SGIP1: variants seen among roughly 807,000 people sequenced by gnomAD.
The protein encoded by SGIP1 is SH3-containing GRB2-like protein 3-interacting protein 1.
SGIP1 carries 38 observed loss-of-function variants against 107.5 expected under a neutral mutation model. That is an observed-to-expected ratio of 0.35 (90% CI 0.27 to 0.46). SGIP1 has a LOEUF of 0.46. Ranked by LOEUF, SGIP1 falls within the 20% of genes least tolerant of loss-of-function variation. The pLI, the probability that SGIP1 is intolerant of heterozygous loss-of-function variation, is 1.00. For synonymous variants in SGIP1, 365 were observed against 366.1 expected, an observed-to-expected ratio of 1.00 and a Z score of 0.03; for missense variants, 929 against 1,019.5, an observed-to-expected ratio of 0.91 and a Z score of 1.21.
At chr1:66,713,129 G>C (rs2093023884) in intron 18 of SGIP1, among the ~76,000 whole-genome samples, 1 of 152,096 alleles carries the variant, frequency 6.6e-6, no homozygotes, top group African/African-American at 2.4e-5. Context: ...TGTTTTGATT[G>C]TTTACTTGCC....
At position 66,691,820 on chromosome 1, in the gene SGIP1, A is replaced by C. The variant is rs990338139; in HGVS notation, c.1570+1504A>C. On this transcript the variant is annotated intron_variant, in intron 17 of 24. Coordinates refer to ENST00000371037, the MANE Select transcript of SGIP1 (RefSeq NM_032291.4). ...AAGTGACCTCAGATAAACCTGTAAC[A>C]TGTTCTTTCAATGCACTGTGATTCA... Among the ~76,000 whole-genome samples, 4 of 152,170 alleles carry C rather than the reference A, an allele frequency of 2.6e-5. No individual in the cohort carries two copies. In the South Asian group the frequency reaches 8.3e-4, roughly 32 times the overall value.
intron 1 of SGIP1, among the ~76,000 whole-genome samples, chr1:66,609,934 T>C (rs977795373): frequency 2.0e-5 from 3 of 152,232 alleles, no homozygotes; most frequent in Non-Finnish European, 2.9e-5. Flanking sequence ...GGCTTTTTTT[T>C]CATCATTATT....
At chr1:66,637,174 C>T (rs2149438050) in intron 4 of SGIP1, among the ~76,000 whole-genome samples, 1 of 152,286 alleles carries the variant, frequency 6.6e-6, no homozygotes, top group East Asian at 1.9e-4. Context: ...TGTTTCCCCA[C>T]TTCACTGATA....
At chr1:66,647,204 G>T (rs1328402869) in intron 7 of SGIP1, among the ~76,000 whole-genome samples, 1 of 152,178 alleles carries the variant, frequency 6.6e-6, no homozygotes, top group East Asian at 1.9e-4. Flanking sequence ...GGAATTTTCT[G>T]CATTATTGCT....
upstream of SGIP1, chr1:66,534,121 C>A: frequency 1.7e-6 from 1 of 590,818 alleles, no homozygotes; most frequent in Admixed American, 3.0e-5. Context: ...TGCAGCTCGG[C>A]CAGCTTGCCG....
intron 1 of SGIP1, among the ~76,000 whole-genome samples, chr1:66,615,025 T>G (rs1377047140): frequency 6.6e-6 from 1 of 152,052 alleles, no homozygotes; most frequent in Admixed American, 6.5e-5. Flanking sequence ...TTCTCCATGT[T>G]GGTCAGGCTG....
At chr1:66,670,788 C>G (rs770133729) in intron 9 of SGIP1, among the ~76,000 whole-genome samples, 2 of 152,178 alleles carry the variant, frequency 1.3e-5, no homozygotes, top group African/African-American at 4.8e-5. Flanking sequence ...TTTACCCTTT[C>G]TTCCTCTCTA....
At chr1:66,668,196 A>AT (rs780921591) in intron 9 of SGIP1, among the ~76,000 whole-genome samples, 28 of 149,244 alleles carry the variant, frequency 1.9e-4, no homozygotes, top group East Asian at 1.8e-3. Context: ...AGTATCATAA[A>AT]TTTTTTTTTT....
At chr1:66,575,827 G>A (rs1011750849) in intron 1 of SGIP1, among the ~76,000 whole-genome samples, 9 of 152,104 alleles carry the variant, frequency 5.9e-5, no homozygotes, top group African/African-American at 2.2e-4. Flanking sequence ...AGCTTAAATA[G>A]AAACCACCTG....
intron 3 of SGIP1, chr1:66,634,148 G>T (rs778968841): frequency 6.2e-7 from 1 of 1,609,764 alleles, no homozygotes; most frequent in South Asian, 1.1e-5. Flanking sequence ...GAGCCCTCTC[G>T]TTAACTCTGT....
At chr1:66,686,181 T>C (rs754247780) in intron 15 of SGIP1, among the ~76,000 whole-genome samples, 1 of 152,202 alleles carries the variant, frequency 6.6e-6, no homozygotes. Context: ...CCCAGATCTG[T>C]TGGATTCCAC....
At chr1:66,610,010 A>C (rs1421555075) in intron 1 of SGIP1, among the ~76,000 whole-genome samples, 1 of 152,094 alleles carries the variant, frequency 6.6e-6, no homozygotes, top group African/African-American at 2.4e-5. Flanking sequence ...GTCTTTTTAG[A>C]GCACTTAACA....
intron 1 of SGIP1, among the ~76,000 whole-genome samples, chr1:66,567,685 G>A (rs1484576253): frequency 6.6e-6 from 1 of 152,094 alleles, no homozygotes; most frequent in Non-Finnish European, 1.5e-5. Flanking sequence ...TTTGTATAAG[G>A]TGTAAGGAAG....
Position 66,642,806 on chromosome 1 carries a change from A to AT in SGIP1, c.229-3dup. 2.5e-6 allele frequency: 4 copies of AT among 1,609,256 alleles called. No homozygotes were observed. Among genetic ancestry groups the AT allele is most frequent in the Non-Finnish European group, 3.4e-6 (4 of 1,177,948 alleles). ...ATTACTTCATGTGCACTTGTGTTTT[A>AT]TAGAACTCACCTGAGCTGGATGAAG... On this transcript the variant is annotated splice_region_variant and splice_polypyrimidine_tract_variant and intron_variant, in intron 5 of 24. Transcript: ENST00000371037.
intron 8 of SGIP1, chr1:66,666,843 G>A (rs1465662916): frequency 5.3e-5 from 8 of 152,096 alleles, no homozygotes; most frequent in Admixed American, 3.9e-4. Flanking sequence ...AGGTCATCTG[G>A]TCCACCAGGG....
chr1:66,722,002 T>G (rs917200534), intron 19 of SGIP1, among the ~76,000 whole-genome samples: 5 of 152,214 alleles, frequency 3.3e-5, no homozygotes, highest in African/African-American at 1.2e-4. Context: ...TGATCTGCCC[T>G]TCGAGACTCC....
chr1:66,638,726 A>T (rs1230091649), intron 4 of SGIP1, among the ~76,000 whole-genome samples: 1 of 152,180 alleles, frequency 6.6e-6, no homozygotes, highest in Non-Finnish European at 1.5e-5. Flanking sequence ...TCCTATGTGC[A>T]CACATAAAAA....
chr1:66,697,252 T>G (rs1015310864), intron 18 of SGIP1, among the ~76,000 whole-genome samples: 6 of 152,194 alleles, frequency 3.9e-5, no homozygotes, highest in African/African-American at 1.2e-4. Flanking sequence ...CAATCAAATA[T>G]AAATATTTAA....
chr1:66,552,467 TTCCTGTGTTAC>T (rs1198655743), intron 1 of SGIP1, among the ~76,000 whole-genome samples: 6 of 152,260 alleles, frequency 3.9e-5, no homozygotes, highest in African/African-American at 1.4e-4. Flanking sequence ...CTGCTGCTGC[TTCCTGTGTTAC>T]TCCTGTTCTG....
Sources: gnomAD v4.1 joint callset for allele counts (sites outside exome capture counted in the v4.1 genomes callset) on GRCh38, gnomAD v4.1.1 for gene constraint, MANE v1.5 for transcripts, NCBI Gene and HGNC (gene_info 2026-07-23, HGNC 2026-07-21) for gene names.